NDUFA9: variants seen among roughly 807,000 people sequenced by gnomAD.
NDUFA9 encodes NADH:ubiquinone oxidoreductase subunit A9.
In NDUFA9, 23 loss-of-function variants were observed where a neutral mutation model predicts 45.9. That is an observed-to-expected ratio of 0.50 (90% CI 0.36 to 0.71). NDUFA9 has a LOEUF of 0.71. NDUFA9 is among the 30% of genes least tolerant of loss of function. The pLI, the probability that NDUFA9 is intolerant of heterozygous loss-of-function variation, is 0.00. For synonymous variants in NDUFA9, 176 were observed against 170.5 expected (o/e 1.03, Z -0.25); for missense variants, 466 against 488.2 (o/e 0.95, Z 0.43).
intron 3 of NDUFA9, chr12:4,656,027 G>C (rs749056118): frequency 2.0e-5 from 3 of 152,146 alleles, no homozygotes; most frequent in Non-Finnish European, 4.4e-5. Context: ...GTGTTGTCCT[G>C]TAAGGAATGG....
chr12:4,685,584 C>A (rs571130025), intron 10 of NDUFA9, among the ~76,000 whole-genome samples: 1 of 152,198 alleles, frequency 6.6e-6, no homozygotes, highest in African/African-American at 2.4e-5. Context: ...CTAATAGCTC[C>A]CCTGCCAAAG....
intron 2 of NDUFA9, 133 bp from the exon 3 acceptor site, chr12:4,654,692 A>C: frequency 1.0e-6 from 1 of 962,754 alleles, no homozygotes. Flanking sequence ...TTAGCATGGC[A>C]AAATATTCTT....
chr12:4,669,926 T>C (rs1052328578), intron 8 of NDUFA9, 109 bp downstream of exon 8: 3 of 770,494 alleles, frequency 3.9e-6, no homozygotes, highest in African/African-American at 1.8e-5. Context: ...TATCAAAATC[T>C]CCTCATTGCT....
intron 9 of NDUFA9, among the ~76,000 whole-genome samples, chr12:4,682,896 A>G (rs1361723752): frequency 6.6e-6 from 1 of 152,146 alleles, no homozygotes; most frequent in Non-Finnish European, 1.5e-5. Context: ...GCGAAGCCCC[A>G]TCTCTACAAA....
rs1024151789 is a variant in NDUFA9 at position 4,693,324 on chromosome 12, C to T, written c.*6216C>T. 4 of 152,042 alleles carry T rather than the reference C, an allele frequency of 2.6e-5. No homozygotes were observed. The allele number at this position is 152,042 out of a possible 1,614,324, so 9.4% of individuals were successfully genotyped here. On this transcript the variant is annotated 3_prime_UTR_variant, in exon 11 of 11. Transcript: ENST00000266544. The stretch of plus-strand genomic sequence containing the variant: ...AATAATTTTAATTCTATAATAAAAT[C>T]TCAAGTTATAATAGGCTCAATTTGA...
intron 7 of NDUFA9, among the ~76,000 whole-genome samples, chr12:4,669,237 A>G (rs1945871552): frequency 6.6e-6 from 1 of 152,220 alleles, no homozygotes. Context: ...ATGACTCTAG[A>G]CAGTTGTCAA....
rs1027452382 is a variant in NDUFA9 at position 4,691,736 on chromosome 12, G to A, written c.*4628G>A. 5.9e-5 allele frequency: 9 copies of A among 152,248 alleles called. No individual in the cohort carries two copies. The highest frequency in any genetic ancestry group is 2.2e-4 in the African/African-American group (9 of 41,500). 9.4% of individuals were successfully genotyped at this position (152,248 alleles called of 1,614,324 possible). On this transcript the variant is annotated 3_prime_UTR_variant, in exon 11 of 11. Coordinates refer to ENST00000266544, the MANE Select transcript of NDUFA9 (RefSeq NM_005002.5). ...CTCACCTCCCTGGAAGCAGAGGGTGGTGGGGTTTTTGAGGGCTGTGTGAGA... is the reference window on the plus strand; with the variant it reads ...CTCACCTCCCTGGAAGCAGAGGGTGATGGGGTTTTTGAGGGCTGTGTGAGA...
At chr12:4,675,118 T>G (rs1479057975) in intron 8 of NDUFA9, among the ~76,000 whole-genome samples, 6 of 152,132 alleles carry the variant, frequency 3.9e-5, no homozygotes, top group South Asian at 2.1e-4. Flanking sequence ...TTGAAACCGA[T>G]GAGAACAAAG....
chr12:4,674,441 C>T (rs1264148663), intron 8 of NDUFA9, among the ~76,000 whole-genome samples: 3 of 152,082 alleles, frequency 2.0e-5, no homozygotes, highest in Non-Finnish European at 4.4e-5. Flanking sequence ...ATTTCACATG[C>T]AAAGACACAC....
chr12:4,669,139 T>C (rs1006612732), intron 7 of NDUFA9, among the ~76,000 whole-genome samples: 4 of 152,214 alleles, frequency 2.6e-5, no homozygotes, highest in African/African-American at 9.6e-5. Flanking sequence ...TTCTTCGTTA[T>C]GGGGGTTGTT....
chr12:4,651,153 T>C (rs1355670961), intron 1 of NDUFA9, among the ~76,000 whole-genome samples: 1 of 152,164 alleles, frequency 6.6e-6, no homozygotes, highest in African/African-American at 2.4e-5. Flanking sequence ...TTTAAATAAA[T>C]ACTTAAAAAA....
At chr12:4,669,963 C>T in intron 8 of NDUFA9, 146 bp downstream of exon 8, 1 of 642,304 alleles carries the variant, frequency 1.6e-6, no homozygotes, top group South Asian at 1.9e-5. Flanking sequence ...TTGAGGGAAC[C>T]TGGAATCTAC....
rs113902895 is a variant in NDUFA9 at position 4,677,252 on chromosome 12, G to A, written c.801-4953G>A. Among the ~76,000 whole-genome samples, 914 of 152,164 alleles carry A rather than the reference G, an allele frequency of 6.0e-3. 12 individuals are homozygous for A. The highest frequency in any genetic ancestry group is 0.021 in the African/African-American group (873 of 41,538). Reference sequence around the variant, plus strand: ...GGACATAGGCATGGGCAAAGACTTCGTAATTAAAACACCAAAAGCAATGGC... The same window carrying A: ...GGACATAGGCATGGGCAAAGACTTCATAATTAAAACACCAAAAGCAATGGC... On this transcript the variant is annotated intron_variant, in intron 8 of 10. Transcript: ENST00000266544.
At position 4,687,080 on chromosome 12, in the gene NDUFA9, T is replaced by G. The variant is rs747866891; in HGVS notation, c.1106T>G (p.Val369Gly). ...TGGCTGTCTGCTGAAATTGAGGATG[T>G]GAAGCCGGCCAAGACCGTCAACATT... Reference protein sequence around the residue: ...YRWLSAEIEDVKPAKTVNI With the variant: ...YRWLSAEIEDGKPAKTVNI Residue 369 changes from valine to glycine, a missense_variant, in exon 11 of 11, where the codon GTG becomes GGG. By Grantham distance (109) the Val-to-Gly change is moderately radical. Coordinates refer to ENST00000266544, the MANE Select transcript of NDUFA9 (RefSeq NM_005002.5). The G allele has an allele frequency of 6.2e-7, 1 of 1,614,168 alleles. No individual in the cohort carries two copies. The highest frequency in any genetic ancestry group is 2.2e-5 in the East Asian group (1 of 44,884).
rs117140470 is a variant in NDUFA9 at position 4,671,621 on chromosome 12, A to G, written c.800+1804A>G. The stretch of plus-strand genomic sequence containing the variant: ...TGATTCTAAATTTATATGGTAATGC[A>G]AAGACCCACAATAGACAAAACCATT... On this transcript the variant is annotated intron_variant, in intron 8 of 10. Coordinates refer to ENST00000266544, the MANE Select transcript of NDUFA9 (RefSeq NM_005002.5). Among the ~76,000 whole-genome samples the G allele has an allele frequency of 3.6e-3, 549 of 152,296 alleles. 3 individuals are homozygous for G. Among genetic ancestry groups the G allele is most frequent in the Non-Finnish European group, 5.6e-3 (384 of 68,030 alleles).
At chr12:4,677,358 A>G (rs998521869) in intron 8 of NDUFA9, among the ~76,000 whole-genome samples, 3 of 152,254 alleles carry the variant, frequency 2.0e-5, no homozygotes, top group Admixed American at 6.5e-5. Context: ...ATCAGAGTGA[A>G]CAGGCAACCT....
At chr12:4,678,466 A>G (rs1434873957) in intron 8 of NDUFA9, among the ~76,000 whole-genome samples, 2 of 152,162 alleles carry the variant, frequency 1.3e-5, no homozygotes, top group African/African-American at 2.4e-5. Flanking sequence ...CTTCACCAAA[A>G]TTAAAGCTCT....
chr12:4,673,083 G>A (rs987886255), intron 8 of NDUFA9, among the ~76,000 whole-genome samples: 3 of 152,190 alleles, frequency 2.0e-5, no homozygotes, highest in African/African-American at 7.2e-5. Flanking sequence ...TGATACCCAG[G>A]CAAACAGGGT....
At chr12:4,680,750 A>T (rs549693511) in intron 8 of NDUFA9, among the ~76,000 whole-genome samples, 117 of 152,298 alleles carry the variant, frequency 7.7e-4, no homozygotes, top group African/African-American at 2.6e-3. Flanking sequence ...GTTTTTTAGT[A>T]AAGTATGTCA....
Sources: gnomAD v4.1 joint callset for allele counts (sites outside exome capture counted in the v4.1 genomes callset) on GRCh38, gnomAD v4.1.1 for gene constraint, MANE v1.5 for transcripts, NCBI Gene and HGNC (gene_info 2026-07-23, HGNC 2026-07-21) for gene names.